Variants in TC2N observed in about 807,000 individuals in gnomAD.
TC2N encodes the protein tandem C2 domains nuclear protein.
A neutral mutation model predicts 61.9 loss-of-function variants in TC2N; 51 were observed. That is an observed-to-expected ratio of 0.82 (90% confidence interval 0.66 to 1.04). The LOEUF is 1.04. TC2N is among the 50% of genes least tolerant of loss of function. TC2N has a pLI of 0.00. For missense variants in TC2N, 556 were observed against 566.7 expected (o/e 0.98, Z 0.19); for synonymous variants, 204 against 192.6 (o/e 1.06, Z -0.49).
At chr14:91,865,000 G>A (rs895152543) in intron 1 of TC2N, among the ~76,000 whole-genome samples, 62 of 152,122 alleles carry the variant, frequency 4.1e-4, no homozygotes, top group African/African-American at 1.4e-3. Flanking sequence ...GGCTGGTCTT[G>A]AACTCCTGGC....
Position 91,787,521 on chromosome 14 carries a change from A to G in TC2N, c.1154T>C (p.Leu385Pro). Residue 385 changes from leucine to proline, a missense_variant, in exon 10 of 12, where the codon CTG becomes CCG. Physicochemically the swap from Leu to Pro is moderately conservative, Grantham distance 98 (BLOSUM62 -3). Coordinates refer to ENST00000435962, the MANE Select transcript of TC2N (RefSeq NM_001128596.3). The stretch of plus-strand genomic sequence containing the variant: ...ACCACTGATATACTTACTCAAAGTC[A>G]GAGGTGTTGATGAGCTTGGAAGGTA... The part of the protein sequence containing the change: ...ARYLPSSSTP[L>P]TLSFFVKVGM... 6.2e-7 allele frequency: 1 copy of G among 1,602,874 alleles called. No homozygotes were observed. Among genetic ancestry groups the G allele is most frequent in the Non-Finnish European group, 8.5e-7 (1 of 1,172,726 alleles).
chr14:91,845,224 T>C (rs1888246955), intron 1 of TC2N, among the ~76,000 whole-genome samples: 1 of 137,478 alleles, frequency 7.3e-6, no homozygotes, highest in South Asian at 2.4e-4. Flanking sequence ...TGAGTGAAAC[T>C]CCATCTCAAA....
chr14:91,844,238 C>A (rs1888221483), intron 1 of TC2N, among the ~76,000 whole-genome samples: 1 of 152,102 alleles, frequency 6.6e-6, no homozygotes, highest in Non-Finnish European at 1.5e-5. Context: ...TTTGGCGTTT[C>A]CTACAAAACA....
At chr14:91,858,783 C>T (rs1408200802) in intron 1 of TC2N, among the ~76,000 whole-genome samples, 1 of 152,164 alleles carries the variant, frequency 6.6e-6, no homozygotes, top group African/African-American at 2.4e-5. Flanking sequence ...GACTGACCCC[C>T]TGCGAGTGGA....
In TC2N at chr14:91,812,296, C is replaced by T. The variant is rs140630130; in HGVS notation, c.301+16G>A. 3.8e-3 allele frequency: 5,498 copies of T among 1,431,936 alleles called. 59 individuals are homozygous for T. The highest frequency in any genetic ancestry group is 0.027 in the South Asian group (1,964 of 72,000). The allele number at this position is 1,431,936 out of a possible 1,614,324, so 88.7% of individuals were successfully genotyped here. ...GCTACATATCGATTTTTAAATACTG[C>T]TATTTTATTGTTTACCTTCAAGTTC... is the stretch of plus-strand genomic sequence containing the variant. On this transcript the variant is annotated intron_variant, in intron 3 of 11. Transcript: ENST00000435962.
intron 1 of TC2N, among the ~76,000 whole-genome samples, chr14:91,856,145 G>T (rs982642280): frequency 6.6e-6 from 1 of 152,158 alleles, no homozygotes; most frequent in African/African-American, 2.4e-5. Context: ...AGCTCTTTGG[G>T]GTCAGGGTTA....
chr14:91,785,323 A>G lies in TC2N; in HGVS notation c.1201T>C (p.Leu401=). The G allele has an allele frequency of 6.2e-7, 1 of 1,613,556 alleles. No individual in the cohort carries two copies. Among genetic ancestry groups the G allele is most frequent in the East Asian group, 2.2e-5 (1 of 44,818 alleles). Residue 401 remains leucine, a synonymous_variant, in exon 11 of 12, where the codon TTG becomes CTG. Coordinates refer to ENST00000435962, the MANE Select transcript of TC2N (RefSeq NM_001128596.3). ...AAGCGTGTCTTTTTCTTATAAATCA[A>G]CTCTCCCGAGCTAAACATTCCCACC... is the stretch of plus-strand genomic sequence containing the variant. ...VKVGMFSSGE[L]IYKKKTRLLK...
At chr14:91,864,777 CTTTTTTTTT>C (rs5810557) in intron 1 of TC2N, among the ~76,000 whole-genome samples, 4 of 70,800 alleles carry the variant, frequency 5.6e-5, no homozygotes, top group Non-Finnish European at 9.1e-5. Context: ...CTGCCTTCAT[CTTTTTTTTT>C]TTTTTTTTTT....
intron 1 of TC2N, among the ~76,000 whole-genome samples, chr14:91,858,042 T>G (rs549607287): frequency 2.1e-4 from 32 of 152,244 alleles, no homozygotes; most frequent in African/African-American, 7.5e-4. Context: ...CATGGCTCAT[T>G]GCAGCCTCAA....
chr14:91,838,499 T>G (rs1451873291), intron 1 of TC2N, among the ~76,000 whole-genome samples: 1 of 152,220 alleles, frequency 6.6e-6, no homozygotes, highest in Non-Finnish European at 1.5e-5. Flanking sequence ...TAGATTCATG[T>G]GTTAGTTGAA....
chr14:91,865,111 A>C (rs1303138246), intron 1 of TC2N, among the ~76,000 whole-genome samples: 1 of 152,118 alleles, frequency 6.6e-6, no homozygotes, highest in Non-Finnish European at 1.5e-5. Context: ...GAATATCCCA[A>C]ATTCCTGAAA....
intron 1 of TC2N, among the ~76,000 whole-genome samples, chr14:91,860,541 A>G (rs1888570014): frequency 6.6e-6 from 1 of 152,206 alleles, no homozygotes; most frequent in South Asian, 2.1e-4. Flanking sequence ...CTTCTGTGAA[A>G]TGCTGACCTG....
intron 1 of TC2N, chr14:91,866,531 G>A (rs1477137648): frequency 1.3e-5 from 2 of 152,232 alleles, no homozygotes; most frequent in Non-Finnish European, 2.9e-5. Context: ...CCACATGAAA[G>A]TTGGAAGATG....
At chr14:91,827,747 A>G (rs941599682) in intron 1 of TC2N, among the ~76,000 whole-genome samples, 1 of 152,134 alleles carries the variant, frequency 6.6e-6, no homozygotes, top group African/African-American at 2.4e-5. Context: ...TATAAACTCA[A>G]TTTCCTTTTA....
At chr14:91,789,876 A>G (rs566126053) in intron 9 of TC2N, among the ~76,000 whole-genome samples, 1 of 152,322 alleles carries the variant, frequency 6.6e-6, no homozygotes, top group East Asian at 1.9e-4. Flanking sequence ...AAAAGAAAAC[A>G]TTGTTAGCCT....
At chr14:91,815,928 A>G (rs1214058435) in intron 1 of TC2N, among the ~76,000 whole-genome samples, 1 of 151,730 alleles carries the variant, frequency 6.6e-6, no homozygotes, top group Non-Finnish European at 1.5e-5. Flanking sequence ...AAACATAACC[A>G]TAATAGTATT....
rs1352419775 is a variant in TC2N, at chr14:91,780,193, A to G, written c.*2907T>C. 2.6e-5 allele frequency: 4 copies of G among 152,198 alleles called. No homozygotes were observed. Among genetic ancestry groups the G allele is most frequent in the African/African-American group, 9.6e-5 (4 of 41,460 alleles). 9.4% of individuals were successfully genotyped at this position (152,198 alleles called of 1,614,324 possible). A position where few individuals can be genotyped will look rare whatever the true frequency, so the allele number is the denominator to read the frequency against. On this transcript the variant is annotated 3_prime_UTR_variant, in exon 12 of 12. Transcript: ENST00000435962. Reference sequence around the variant, plus strand: ...AGAAATATATATTTTTGAAATGTCAATTACTGCTATGCTATCAAAAGCTGA... The same window carrying G: ...AGAAATATATATTTTTGAAATGTCAGTTACTGCTATGCTATCAAAAGCTGA...
intron 1 of TC2N, among the ~76,000 whole-genome samples, chr14:91,827,420 C>T (rs1048770381): frequency 6.6e-6 from 1 of 152,176 alleles, no homozygotes; most frequent in East Asian, 1.9e-4. Flanking sequence ...CTAGAAGAAA[C>T]CTGCATTCCT....
At chr14:91,785,535 AC>A (rs930800219) in intron 10 of TC2N, among the ~76,000 whole-genome samples, 174 bp from the exon 11 acceptor site, 5 of 152,166 alleles carry the variant, frequency 3.3e-5, no homozygotes, top group African/African-American at 4.8e-5. Flanking sequence ...GTTCTAATCA[AC>A]TTTATAACTT....
Sources: allele counts gnomAD v4.1 joint callset (sites outside exome capture counted in the v4.1 genomes callset), GRCh38; gene constraint gnomAD v4.1.1; transcripts MANE v1.5; gene names NCBI Gene and HGNC (gene_info 2026-07-23, HGNC 2026-07-21).